The following CDH23 variants were observed in gnomAD, a reference collection of about 807,000 sequenced individuals.
The protein encoded by CDH23 is cadherin-23.
Under a neutral mutation model 317.1 loss-of-function variants are expected in CDH23, and 189 were observed. The observed-to-expected ratio is 0.60, with a 90% CI of 0.53 to 0.67. The LOEUF is 0.67. CDH23 is among the 30% of genes least tolerant of loss of function. The pLI, the probability that CDH23 is intolerant of heterozygous loss-of-function variation, is 0.00. For synonymous variants in CDH23, 1,839 were observed against 1,876.8 expected (o/e 0.98, Z 0.52); for missense variants, 4,401 against 4,592.4 (o/e 0.96, Z 1.20).
At chr10:71,812,297 G>T (rs890496563) in intron 66 of CDH23, 183 bp from the exon 67 acceptor site, 9 of 1,598,714 alleles carry the variant, frequency 5.6e-6, no homozygotes, top group Non-Finnish European at 6.8e-6. Flanking sequence ...CTGACATGCG[G>T]TCCTGGTTCC....
chr10:71,496,189 C>T (rs115557952), intron 3 of CDH23, among the ~76,000 whole-genome samples: 2,600 of 152,290 alleles, frequency 0.017, 61 homozygotes, highest in African/African-American at 0.054. Context: ...GTGGTTGGGG[C>T]CTGGGCATCC....
chr10:71,669,113 G>A (rs1037835939), intron 14 of CDH23, among the ~76,000 whole-genome samples: 5 of 152,176 alleles, frequency 3.3e-5, no homozygotes, highest in South Asian at 2.1e-4. Flanking sequence ...AGCGCTGAGC[G>A]GCCATTGATC....
intron 9 of CDH23, among the ~76,000 whole-genome samples, chr10:71,609,991 T>TGAGAGAGACAGAGAGACGA (rs747061224): frequency 7.5e-6 from 1 of 133,506 alleles, no homozygotes; most frequent in Non-Finnish European, 1.6e-5. Context: ...TGTGTGTGTG[T>TGAGAGAGACAGAGAGACGA]GTGTGAGAGA....
chr10:71,811,678 G>GC (rs780774220), intron 64 of CDH23, 35 bp from the exon 65 acceptor site: 161 of 1,613,100 alleles, frequency 1.0e-4, no homozygotes, highest in Non-Finnish European at 1.3e-4. Flanking sequence ...CGTCAGCTTG[G>GC]CCCCCCTCAC....
chr10:71,758,872 A>AT (rs1840217238), intron 38 of CDH23, among the ~76,000 whole-genome samples: 1 of 151,968 alleles, frequency 6.6e-6, no homozygotes. Flanking sequence ...ACCAAAAGTG[A>AT]TTTTTTTGAT....
chr10:71,716,354 A>G (rs1275695577), intron 28 of CDH23: 1 of 1,462,166 alleles, frequency 6.8e-7, no homozygotes, highest in Non-Finnish European at 9.1e-7. Flanking sequence ...TGCAACAGCA[A>G]CAAGACAGAA....
chr10:71,465,773 G>A (rs1458267736), intron 3 of CDH23, among the ~76,000 whole-genome samples: 1 of 152,210 alleles, frequency 6.6e-6, no homozygotes, highest in Non-Finnish European at 1.5e-5. Flanking sequence ...CGCGCTGAGT[G>A]ACAGGTGAGA....
Position 71,765,411 on chromosome 10 carries a change from C to G in CDH23, c.4846-12269C>G, listed in dbSNP as rs920412822. The stretch of plus-strand genomic sequence containing the variant: ...TAGAGCTGGCAGCCAAAGCAAGATG[C>G]GCAAAGCTGAGCTGGGTGGGGTTGG... On this transcript the variant is annotated intron_variant, in intron 38 of 69. Transcript: ENST00000224721. Among the ~76,000 whole-genome samples, 5 of 152,280 alleles carry G rather than the reference C, an allele frequency of 3.3e-5. No individual in the cohort carries two copies. The East Asian group carries it at 9.7e-4, about 29-fold the overall frequency.
chr10:71,667,946 GCAGC>G (rs1863983428), intron 14 of CDH23, among the ~76,000 whole-genome samples: 1 of 152,158 alleles, frequency 6.6e-6, no homozygotes. Flanking sequence ...AAGGGCACCT[GCAGC>G]CAGCCAGACT....
In CDH23 at chr10:71,813,340, A is replaced by G; in HGVS notation, c.9730A>G (p.Ile3244Val). 6.4e-7 allele frequency: 1 copy of G among 1,551,466 alleles called. No individual in the cohort carries two copies. Among genetic ancestry groups the G allele is most frequent in the Non-Finnish European group, 8.7e-7 (1 of 1,146,914 alleles). ...VQKASSCHSS[I>V]SELIQTELDE... is the part of the protein sequence containing the mutation. ...AAAAGCCTCCTCCTGCCACTCCTCC[A>G]TCTCTGAGGTAGCCGGCTGGGTGGC... The change falls in exon 69 of 70, where the codon ATC becomes GTC. Residue 3244 changes from isoleucine to valine, a missense_variant. Ile to Val is a conservative substitution (Grantham distance 29, BLOSUM62 3). Around this residue, in one of 3 missense-constraint regions of CDH23, gnomAD observed 1,144 missense variants for 1,138.2 expected, o/e 1.01. Transcript: ENST00000224721.
intron 3 of CDH23, among the ~76,000 whole-genome samples, chr10:71,473,614 C>T (rs545024960): frequency 1.3e-5 from 2 of 152,316 alleles, no homozygotes; most frequent in East Asian, 3.9e-4. Context: ...CAATTTTTCT[C>T]GTCTGTAAAA....
At chr10:71,599,513 C>T (rs10823797) in intron 9 of CDH23, among the ~76,000 whole-genome samples, 2,818 of 152,124 alleles carry the variant, frequency 0.019, 185 homozygotes, top group East Asian at 0.16. Flanking sequence ...CTGTTAACAC[C>T]GTGAAAAATT....
At chr10:71,757,175 G>C (rs1275501077) in intron 38 of CDH23, among the ~76,000 whole-genome samples, 2 of 152,230 alleles carry the variant, frequency 1.3e-5, no homozygotes, top group Non-Finnish European at 2.9e-5. Flanking sequence ...CTCTCTTCTA[G>C]TGATCAAAGC....
chr10:71,600,282 G>A (rs576276337), intron 9 of CDH23, among the ~76,000 whole-genome samples: 1 of 151,244 alleles, frequency 6.6e-6, no homozygotes, highest in Non-Finnish European at 1.5e-5. Context: ...GATTACAGGC[G>A]TGAGCGACCG....
At chr10:71,596,902 C>T (rs924511491) in intron 9 of CDH23, among the ~76,000 whole-genome samples, 1 of 152,186 alleles carries the variant, frequency 6.6e-6, no homozygotes, top group African/African-American at 2.4e-5. Flanking sequence ...GTCCCCACCT[C>T]CCCGCTGCCC....
At chr10:71,797,019 G>A in intron 48 of CDH23, 85 bp from the exon 49 acceptor site, 2 of 797,380 alleles carry the variant, frequency 2.5e-6, no homozygotes, top group Non-Finnish European at 4.3e-6. Context: ...GTGGGGATTG[G>A]GAGGGTTTGG....
In CDH23 at chr10:71,702,623, C is replaced by T; in HGVS notation, c.2662C>T (p.Pro888Ser). The T allele has an allele frequency of 6.2e-7, 1 of 1,613,966 alleles. No individual in the cohort carries two copies. The highest frequency in any genetic ancestry group is 8.5e-7 in the Non-Finnish European group (1 of 1,179,886). The change falls in exon 24 of 70, where the codon CCC (proline) becomes TCC (serine). Residue 888 changes from proline (P) to serine (S), a missense_variant. This residue lies in a region of CDH23 where 3,068 missense variants were observed against 3,203.3 expected (regional missense o/e 0.96). Coordinates refer to ENST00000224721, the MANE Select transcript of CDH23 (RefSeq NM_022124.6). ...VNLLDLNDNDPTFQNLPFVAE... is the reference protein window; with the variant it reads ...VNLLDLNDNDSTFQNLPFVAE... ...CCTCTTGGATCTCAATGACAATGAC[C>T]CCACCTTTCAGAACCTGCCTTTTGT...
chr10:71,465,839 G>A (rs1308163370), intron 3 of CDH23, among the ~76,000 whole-genome samples: 6 of 152,208 alleles, frequency 3.9e-5, no homozygotes, highest in Admixed American at 3.9e-4. Context: ...TGGAAAAATA[G>A]TCATAAATTA....
intron 22 of CDH23, among the ~76,000 whole-genome samples, chr10:71,697,912 T>C (rs1470259376): frequency 6.6e-6 from 1 of 152,144 alleles, no homozygotes; most frequent in African/African-American, 2.4e-5. Flanking sequence ...AGGCTGGAGA[T>C]TTTTGGTGCC....
Sources: allele counts gnomAD v4.1 joint callset (sites outside exome capture counted in the v4.1 genomes callset), GRCh38; gene constraint gnomAD v4.1.1; regional missense constraint gnomAD v4.1.1; transcripts MANE v1.5; gene names NCBI Gene and HGNC (gene_info 2026-07-23, HGNC 2026-07-21).